The following TENM4 variants were observed in gnomAD, a reference collection of about 807,000 sequenced individuals.
The protein encoded by TENM4 is teneurin transmembrane protein 4.
TENM4 carries 82 observed loss-of-function variants against 243.3 expected under a neutral mutation model. The observed-to-expected ratio is 0.34, with a 90% CI of 0.28 to 0.40. The LOEUF (loss-of-function observed/expected upper bound fraction) is 0.40, where lower values mean the gene tolerates loss of function less well. TENM4 is among the 10% of genes least tolerant of loss of function. The pLI, the probability that TENM4 is intolerant of heterozygous loss-of-function variation, is 1.00. For missense variants in TENM4, 3,138 were observed against 3,673.3 expected (o/e 0.85, Z 3.77); for synonymous variants, 1,412 against 1,456.3 (o/e 0.97, Z 0.69).
At chr11:79,010,443 T>G (rs1168249161) in intron 6 of TENM4, among the ~76,000 whole-genome samples, 1 of 151,878 alleles carries the variant, frequency 6.6e-6, no homozygotes, top group Non-Finnish European at 1.5e-5. Flanking sequence ...CTGGGGGAGT[T>G]TTCCTTAGGG....
At chr11:79,405,981 C>T (rs997213363) in intron 1 of TENM4, among the ~76,000 whole-genome samples, 1 of 152,124 alleles carries the variant, frequency 6.6e-6, no homozygotes, top group African/African-American at 2.4e-5. Flanking sequence ...GGCCCTGCCC[C>T]AGAGCTGGGA....
intron 6 of TENM4, among the ~76,000 whole-genome samples, chr11:78,940,675 G>A (rs187293141): frequency 5.3e-4 from 81 of 152,298 alleles, no homozygotes; most frequent in African/African-American, 1.7e-3. Flanking sequence ...GGCATTGTTG[G>A]GACTCAAGGA....
chr11:78,787,197 T>G (rs1856959047), intron 15 of TENM4, 114 bp from the exon 16 acceptor site: 1 of 1,283,566 alleles, frequency 7.8e-7, no homozygotes, highest in South Asian at 1.6e-5. Flanking sequence ...AAGTTATTGT[T>G]GGAAACCAAA....
At chr11:78,869,570 T>C (rs1196667547) in intron 9 of TENM4, among the ~76,000 whole-genome samples, 1 of 152,092 alleles carries the variant, frequency 6.6e-6, no homozygotes, top group African/African-American at 2.4e-5. Context: ...ACCCCAGACA[T>C]GAGGAATTAC....
intron 6 of TENM4, among the ~76,000 whole-genome samples, chr11:79,058,808 G>A (rs558964200): frequency 6.6e-6 from 1 of 152,248 alleles, no homozygotes; most frequent in East Asian, 1.9e-4. Flanking sequence ...GGGAGCCTGG[G>A]GGCAAGCAGC....
At chr11:78,929,172 G>A (rs567245354) in intron 6 of TENM4, among the ~76,000 whole-genome samples, 3 of 152,250 alleles carry the variant, frequency 2.0e-5, no homozygotes, top group South Asian at 4.1e-4. Context: ...CCCATCAAAA[G>A]TTGCCTATAA....
intron 3 of TENM4, among the ~76,000 whole-genome samples, chr11:79,161,716 T>C (rs1938946): frequency 0.029 from 4,364 of 152,298 alleles, 203 homozygotes; most frequent in African/African-American, 0.1. Context: ...ATGTTTCTGT[T>C]GTTTTAAGTC....
intron 2 of TENM4, among the ~76,000 whole-genome samples, chr11:79,216,887 C>T (rs529197795): frequency 3.9e-5 from 6 of 152,294 alleles, no homozygotes; most frequent in African/African-American, 1.4e-4. Flanking sequence ...ATGGGTCGAT[C>T]TTCCTGTAAT....
At chr11:78,904,273 T>A (rs1856010003) in intron 6 of TENM4, among the ~76,000 whole-genome samples, 1 of 144,700 alleles carries the variant, frequency 6.9e-6, no homozygotes, top group South Asian at 2.2e-4. Context: ...GGCAGGAGAA[T>A]GGCGTGAACC....
chr11:78,653,150 G>A lies in TENM4; in HGVS notation c.*4908C>T, dbSNP rs900390832. ...GCCTGGAGGGATTTAGAGGGACCCT[G>A]GGGCCTAGGACTGAGTCCTCTCCCA... On this transcript the variant is annotated 3_prime_UTR_variant, in exon 34 of 34. Coordinates refer to ENST00000278550, the MANE Select transcript of TENM4 (RefSeq NM_001098816.3). 1.3e-5 allele frequency: 2 copies of A among 152,202 alleles called. No individual in the cohort carries two copies. The highest frequency in any genetic ancestry group is 2.4e-5 in the African/African-American group (1 of 41,456). The allele number at this position is 152,202 out of a possible 1,614,324, so 9.4% of individuals were successfully genotyped here. A position where few individuals can be genotyped will look rare whatever the true frequency, so the allele number is the denominator to read the frequency against.
At chr11:78,833,914 C>A (rs186773076) in intron 12 of TENM4, among the ~76,000 whole-genome samples, 1 of 152,302 alleles carries the variant, frequency 6.6e-6, no homozygotes, top group East Asian at 1.9e-4. Flanking sequence ...TTGGCATCTG[C>A]TTCCTAACTC....
intron 6 of TENM4, among the ~76,000 whole-genome samples, chr11:79,050,411 G>C (rs991195537): frequency 2.0e-5 from 3 of 152,236 alleles, no homozygotes; most frequent in Non-Finnish European, 4.4e-5. Flanking sequence ...GAGGCCGCAT[G>C]TAGAGTGAGA....
intron 2 of TENM4, chr11:79,269,810 G>C (rs922348906): frequency 6.6e-6 from 1 of 152,192 alleles, no homozygotes. Flanking sequence ...CTGAACAAGG[G>C]GCCTCTGTGG....
At chr11:78,964,270 T>C (rs1271429679) in intron 6 of TENM4, among the ~76,000 whole-genome samples, 1 of 152,038 alleles carries the variant, frequency 6.6e-6, no homozygotes, top group Non-Finnish European at 1.5e-5. Flanking sequence ...CTCAATCTCT[T>C]GACCTCGTGA....
At chr11:78,734,531 C>T (rs1855743724) in intron 20 of TENM4, among the ~76,000 whole-genome samples, 1 of 149,160 alleles carries the variant, frequency 6.7e-6, no homozygotes. Flanking sequence ...GCTTCTTATT[C>T]ACTGGGCCTG....
In TENM4 at chr11:79,439,078, C is replaced by T. The variant is rs1010487118; in HGVS notation, c.-321+1431G>A. The T allele has an allele frequency of 1.3e-5, 2 of 151,926 alleles. 1 individual carries two copies. The highest frequency in any genetic ancestry group is 4.2e-4 in the South Asian group (2 of 4,794). The allele number at this position is 151,926 out of a possible 1,614,324, so 9.4% of individuals were successfully genotyped here. A position where few individuals can be genotyped will look rare whatever the true frequency, so the allele number is the denominator to read the frequency against. ...TTGCCCGCGATGCCGCTCAGCAGATCTCTCTCCTTACTCGGCCTCAGAGCT... is the reference window on the plus strand; with the variant it reads ...TTGCCCGCGATGCCGCTCAGCAGATTTCTCTCCTTACTCGGCCTCAGAGCT... On this transcript the variant is annotated intron_variant, in intron 1 of 33. Coordinates refer to ENST00000278550, the MANE Select transcript of TENM4 (RefSeq NM_001098816.3).
At chr11:79,079,262 C>T (rs1860606214) in intron 4 of TENM4, among the ~76,000 whole-genome samples, 1 of 152,180 alleles carries the variant, frequency 6.6e-6, no homozygotes, top group Admixed American at 6.5e-5. Flanking sequence ...TGTTAGAGAG[C>T]TTGTCAGAGG....
chr11:78,912,069 G>T (rs1326342060), intron 6 of TENM4, among the ~76,000 whole-genome samples: 1 of 152,150 alleles, frequency 6.6e-6, no homozygotes, highest in East Asian at 1.9e-4. Flanking sequence ...TTCTAGGTAG[G>T]GGCCTGGCAT....
intron 3 of TENM4, among the ~76,000 whole-genome samples, chr11:79,164,683 G>T (rs375691515): frequency 1.3e-5 from 2 of 150,300 alleles, no homozygotes; most frequent in Non-Finnish European, 3.0e-5. Flanking sequence ...AGGGACACAG[G>T]GGGAGGTATT....
Sources: allele counts gnomAD v4.1 joint callset (sites outside exome capture counted in the v4.1 genomes callset), GRCh38; gene constraint gnomAD v4.1.1; transcripts MANE v1.5; gene names NCBI Gene and HGNC (gene_info 2026-07-23, HGNC 2026-07-21).